Variants in PARD3 observed in about 807,000 individuals in gnomAD.
The protein encoded by PARD3 is partitioning defective 3 homolog.
PARD3 carries 75 observed loss-of-function variants against 155.4 expected under a neutral mutation model. The observed-to-expected ratio is 0.48, with a 90% CI of 0.40 to 0.58. PARD3 has a LOEUF of 0.58. PARD3 is among the 20% of genes least tolerant of loss of function. The pLI, the probability that PARD3 is intolerant of heterozygous loss-of-function variation, is 0.00. For synonymous variants in PARD3, 576 were observed against 610.5 expected (o/e 0.94, Z 0.83); for missense variants, 1,642 against 1,721.7 (o/e 0.95, Z 0.82).
intron 22 of PARD3, among the ~76,000 whole-genome samples, chr10:34,232,301 AT>A (rs1392340019): frequency 6.6e-6 from 1 of 152,136 alleles, no homozygotes; most frequent in Non-Finnish European, 1.5e-5. Context: ...TTTGGTAAAG[AT>A]GACTGGACCT....
intron 1 of PARD3, among the ~76,000 whole-genome samples, chr10:34,786,180 C>G (rs1840939116): frequency 6.6e-6 from 1 of 152,246 alleles, no homozygotes; most frequent in Non-Finnish European, 1.5e-5. Flanking sequence ...GCTAACTCAT[C>G]TCTTTAGGCT....
chr10:34,782,609 ACT>A lies in PARD3; in HGVS notation c.120+32265_120+32266del, dbSNP rs1326151643. ...ACATTATTTCCTCTACACATAAAAC[ACT>A]GTTACCTCTACCCCAGCAACTTACG... On this transcript the variant is annotated intron_variant, in intron 1 of 24. Coordinates refer to ENST00000374788, the MANE Select transcript of PARD3 (RefSeq NM_001184785.2). Among the ~76,000 whole-genome samples, 13 of 152,118 alleles carry A rather than the reference ACT, an allele frequency of 8.5e-5. 1 individual carries two copies. In the East Asian group the frequency reaches 1.7e-3, roughly 20 times the overall value.
intron 22 of PARD3, among the ~76,000 whole-genome samples, chr10:34,172,332 C>T (rs1949835386): frequency 6.6e-6 from 1 of 152,142 alleles, no homozygotes; most frequent in African/African-American, 2.4e-5. Flanking sequence ...ATCCATAGTA[C>T]TATAAAACTT....
chr10:34,247,276 T>C (rs915431438), intron 22 of PARD3, among the ~76,000 whole-genome samples: 16 of 152,000 alleles, frequency 1.1e-4, no homozygotes, highest in Non-Finnish European at 4.4e-5. Flanking sequence ...CCAAGGTGGG[T>C]GGATCACCTG....
chr10:34,614,133 A>T (rs1379898994), intron 2 of PARD3, among the ~76,000 whole-genome samples: 1 of 152,242 alleles, frequency 6.6e-6, no homozygotes, highest in Non-Finnish European at 1.5e-5. Context: ...GTAAAAATGT[A>T]TTCCTTCTTG....
intron 1 of PARD3, among the ~76,000 whole-genome samples, chr10:34,720,728 C>T (rs936229356): frequency 4.6e-5 from 7 of 151,202 alleles, no homozygotes; most frequent in Non-Finnish European, 1.0e-4. Flanking sequence ...ACTAGGGAGG[C>T]GGAGGTTGCA....
intron 2 of PARD3, among the ~76,000 whole-genome samples, chr10:34,570,080 C>A (rs2086267421): frequency 6.6e-6 from 1 of 152,150 alleles, no homozygotes; most frequent in African/African-American, 2.4e-5. Flanking sequence ...TCTATCTAAT[C>A]CTATAATAAG....
chr10:34,261,794 A>AAAGG (rs1426194107), intron 22 of PARD3, among the ~76,000 whole-genome samples: 1 of 54,258 alleles, frequency 1.8e-5, no homozygotes, highest in Non-Finnish European at 6.1e-5. Context: ...AGAAAGAAAG[A>AAAGG]AAGAAAGAAA....
intron 4 of PARD3, among the ~76,000 whole-genome samples, chr10:34,451,773 GT>G (rs5784419): frequency 0.011 from 1,584 of 141,250 alleles, 17 homozygotes; most frequent in East Asian, 0.023. Flanking sequence ...TTAGCAGCAA[GT>G]TTTTTTTTTT....
chr10:34,245,576 G>GAAACAAAACAAAACAAAACA lies in PARD3; in HGVS notation c.3419+24061_3419+24080dup, dbSNP rs5784403. ...GCCAGACAAGGGGTAATACATCCCT[G>GAAACAAAACAAAACAAAACA]AAACAAAACAAAACAAAACAAAACA... is the stretch of plus-strand genomic sequence containing the variant. On this transcript the variant is annotated intron_variant, in intron 22 of 24. Transcript: ENST00000374788. Among the ~76,000 whole-genome samples, 473 of 148,262 alleles carry GAAACAAAACAAAACAAAACA rather than the reference G, an allele frequency of 3.2e-3. 2 individuals are homozygous for GAAACAAAACAAAACAAAACA. Among genetic ancestry groups the GAAACAAAACAAAACAAAACA allele is most frequent in the African/African-American group, 0.011 (443 of 40,032 alleles).
At chr10:34,798,340 A>C (rs929943020) in intron 1 of PARD3, among the ~76,000 whole-genome samples, 1 of 151,366 alleles carries the variant, frequency 6.6e-6, no homozygotes, top group African/African-American at 2.4e-5. Flanking sequence ...TGTCCCGTGA[A>C]GAAGGAGAAG....
intron 21 of PARD3, among the ~76,000 whole-genome samples, chr10:34,275,387 A>G (rs1361102325): frequency 6.6e-6 from 1 of 152,222 alleles, no homozygotes; most frequent in Non-Finnish European, 1.5e-5. Context: ...GGATCTGGTC[A>G]GTAGCCTGAA....
At chr10:34,433,599 A>G (rs2076051325) in intron 5 of PARD3, among the ~76,000 whole-genome samples, 1 of 152,178 alleles carries the variant, frequency 6.6e-6, no homozygotes, top group Non-Finnish European at 1.5e-5. Context: ...AAAAGCCCAG[A>G]TTTCTGCTGA....
At chr10:34,353,884 G>A (rs1406500751) in intron 14 of PARD3, among the ~76,000 whole-genome samples, 1 of 151,866 alleles carries the variant, frequency 6.6e-6, no homozygotes, top group East Asian at 1.9e-4. Flanking sequence ...CTAAAAAAGT[G>A]AAATCATCCT....
rs536906427 is a variant in PARD3 at position 34,680,315 on chromosome 10, T to C, written c.222+16003A>G. ...AGCTCATGCCTGTAATCCCAGCACT[T>C]TGGGAGGCCGAGGCGGGCTGATCAC... On this transcript the variant is annotated intron_variant, in intron 2 of 24. Coordinates refer to ENST00000374788, the MANE Select transcript of PARD3 (RefSeq NM_001184785.2). Among the ~76,000 whole-genome samples, 33 of 152,128 alleles carry C rather than the reference T, an allele frequency of 2.2e-4. No homozygotes were observed. The South Asian group carries it at 6.4e-3, about 30-fold the overall frequency.
At chr10:34,491,972 T>C (rs1011345138) in intron 3 of PARD3, among the ~76,000 whole-genome samples, 1 of 152,124 alleles carries the variant, frequency 6.6e-6, no homozygotes, top group African/African-American at 2.4e-5. Flanking sequence ...TGCATTTTAA[T>C]TGTCAAAATG....
intron 5 of PARD3, among the ~76,000 whole-genome samples, chr10:34,432,077 CAG>C (rs2075962347): frequency 9.9e-6 from 1 of 101,506 alleles, no homozygotes; most frequent in Admixed American, 1.0e-4. Context: ...AAAAAGAATG[CAG>C]AGAACCCAGA....
chr10:34,113,409 T>C (rs1183427845), intron 24 of PARD3, among the ~76,000 whole-genome samples: 1 of 152,112 alleles, frequency 6.6e-6, no homozygotes, highest in African/African-American at 2.4e-5. Flanking sequence ...GCTAAAATTT[T>C]CTTCAAATTA....
chr10:34,584,708 A>G (rs1430662401), intron 2 of PARD3, among the ~76,000 whole-genome samples: 5 of 152,178 alleles, frequency 3.3e-5, no homozygotes, highest in Non-Finnish European at 7.4e-5. Context: ...CCATTACTGC[A>G]GAAGTTCCTG....
Sources: allele counts gnomAD v4.1 joint callset (sites outside exome capture counted in the v4.1 genomes callset), GRCh38; gene constraint gnomAD v4.1.1; transcripts MANE v1.5; gene names NCBI Gene and HGNC (gene_info 2026-07-23, HGNC 2026-07-21).